The following CNTN5 variants were observed in gnomAD, a reference collection of about 807,000 sequenced individuals.
CNTN5 encodes the protein contactin-5.
CNTN5 carries 77 observed loss-of-function variants against 129.1 expected under a neutral mutation model. The ratio of observed to expected loss-of-function variants is 0.60; its 90% confidence interval spans 0.50 to 0.72. The LOEUF (loss-of-function observed/expected upper bound fraction) is 0.72. CNTN5 is among the 30% of genes least tolerant of loss of function. The probability of loss-of-function intolerance (pLI) is 0.00; values close to 1 mark genes in which losing one functional copy is unlikely to be tolerated. For missense variants in CNTN5, 1,478 were observed against 1,328.8 expected (o/e 1.11, Z -1.75); for synonymous variants, 509 against 465.6 (o/e 1.09, Z -1.20).
At chr11:99,033,484 A>G (rs1011228872) in intron 1 of CNTN5, among the ~76,000 whole-genome samples, 3 of 152,176 alleles carry the variant, frequency 2.0e-5, no homozygotes, top group Non-Finnish European at 4.4e-5. Flanking sequence ...GGTCCTTCAC[A>G]TCCGTTGTAA....
chr11:99,885,306 A>G (rs1355194499), intron 6 of CNTN5, among the ~76,000 whole-genome samples: 2 of 152,084 alleles, frequency 1.3e-5, no homozygotes, highest in Non-Finnish European at 2.9e-5. Context: ...AAAAAGAAAG[A>G]AAGAAAAGAG....
At chr11:99,165,468 GTC>G (rs1860824651) in intron 1 of CNTN5, among the ~76,000 whole-genome samples, 1 of 152,004 alleles carries the variant, frequency 6.6e-6, no homozygotes, top group African/African-American at 2.4e-5. Flanking sequence ...TACACTAGCC[GTC>G]TGTAAATACA....
At chr11:100,096,314 G>GT (rs996257109) in intron 13 of CNTN5, among the ~76,000 whole-genome samples, 23 of 152,074 alleles carry the variant, frequency 1.5e-4, no homozygotes, top group African/African-American at 5.3e-4. Context: ...TATTTCATTG[G>GT]TTTTGCGAGA....
intron 2 of CNTN5, among the ~76,000 whole-genome samples, chr11:99,388,010 C>T (rs868598050): frequency 6.6e-6 from 1 of 152,066 alleles, no homozygotes; most frequent in African/African-American, 2.4e-5. Context: ...GAATTGAGAA[C>T]CCTCTCTCTA....
At chr11:99,100,030 A>G (rs1378630760) in intron 1 of CNTN5, among the ~76,000 whole-genome samples, 1 of 152,166 alleles carries the variant, frequency 6.6e-6, no homozygotes, top group Non-Finnish European at 1.5e-5. Flanking sequence ...AATTTAAAAC[A>G]TACTTTTTAT....
chr11:99,347,338 A>G (rs1160632850), intron 2 of CNTN5, among the ~76,000 whole-genome samples: 1 of 152,208 alleles, frequency 6.6e-6, no homozygotes, highest in Non-Finnish European at 1.5e-5. Context: ...AGGGCGTGGG[A>G]AGTGTTATAA....
At chr11:99,487,775 T>A (rs2135338102) in intron 2 of CNTN5, among the ~76,000 whole-genome samples, 1 of 152,334 alleles carries the variant, frequency 6.6e-6, no homozygotes, top group African/African-American at 2.4e-5. Flanking sequence ...CTATTGCTTC[T>A]CCAAACACCA....
intron 3 of CNTN5, among the ~76,000 whole-genome samples, chr11:99,565,982 T>G (rs1790268): frequency 0.28 from 42,836 of 152,076 alleles, 6,369 homozygotes; most frequent in Middle Eastern, 0.33. Context: ...TAAGAGTAGC[T>G]TTATGAAGGC....
chr11:99,957,048 A>G (rs755508153), intron 8 of CNTN5, 39 bp downstream of exon 8: 2 of 1,554,536 alleles, frequency 1.3e-6, no homozygotes, highest in Non-Finnish European at 1.8e-6. Flanking sequence ...AGCCAACTCT[A>G]ATTTGGAAAA....
intron 2 of CNTN5, among the ~76,000 whole-genome samples, chr11:99,352,102 G>A (rs1938337816): frequency 6.6e-6 from 1 of 152,168 alleles, no homozygotes. Flanking sequence ...AAACTAGAAA[G>A]TTTCGAATTC....
intron 3 of CNTN5, among the ~76,000 whole-genome samples, chr11:99,773,647 T>C (rs115763757): frequency 9.2e-4 from 140 of 152,160 alleles, no homozygotes; most frequent in African/African-American, 3.2e-3. Flanking sequence ...ATGTAAAAAT[T>C]AGCAATAATT....
chr11:99,420,708 A>G (rs1021947226), intron 2 of CNTN5, among the ~76,000 whole-genome samples: 2 of 152,218 alleles, frequency 1.3e-5, no homozygotes, highest in Non-Finnish European at 2.9e-5. Flanking sequence ...AGTCAATCAA[A>G]GGCAGCTGAA....
At chr11:100,038,537 CT>C (rs758013688) in intron 9 of CNTN5, among the ~76,000 whole-genome samples, 2 of 152,134 alleles carry the variant, frequency 1.3e-5, no homozygotes, top group Admixed American at 6.6e-5. Context: ...AACTTTCTGT[CT>C]TGTTGATCTG....
rs565363757 is a variant in CNTN5, at chr11:99,277,054, G to A, written c.-209-48292G>A. Among the ~76,000 whole-genome samples the A allele has an allele frequency of 2.6e-5, 4 of 151,612 alleles. No homozygotes were observed. In the East Asian group the frequency reaches 7.8e-4, roughly 30 times the overall value. ...TAAACCGTTATTACTAAAGTAAGAA[G>A]GGCCTCATTTTCTAAAGCAACATAC... On this transcript the variant is annotated intron_variant, in intron 1 of 24. Coordinates refer to ENST00000524871, the MANE Select transcript of CNTN5 (RefSeq NM_014361.4).
intron 1 of CNTN5, among the ~76,000 whole-genome samples, chr11:99,312,107 G>C (rs1033594196): frequency 6.6e-6 from 1 of 152,092 alleles, no homozygotes; most frequent in Non-Finnish European, 1.5e-5. Context: ...CAGAAATGTA[G>C]TACAGAAAAT....
intron 9 of CNTN5, among the ~76,000 whole-genome samples, chr11:100,009,661 G>T (rs1940408039): frequency 6.6e-6 from 1 of 152,124 alleles, no homozygotes; most frequent in Admixed American, 6.6e-5. Flanking sequence ...AGGGAAACTG[G>T]GTTATCAGGA....
At chr11:100,120,784 G>A (rs1292471221) in intron 13 of CNTN5, among the ~76,000 whole-genome samples, 3 of 151,040 alleles carry the variant, frequency 2.0e-5, no homozygotes, top group African/African-American at 7.3e-5. Context: ...GAGAAAGAAA[G>A]GTATAAATAT....
rs895082095 is a variant in CNTN5, at chr11:99,385,145, G to T, written c.-71+59661G>T. On this transcript the variant is annotated intron_variant, in intron 2 of 24. Coordinates refer to ENST00000524871, the MANE Select transcript of CNTN5 (RefSeq NM_014361.4). The stretch of plus-strand genomic sequence containing the variant: ...TCTTTCCTCTAGTAGTTATCATTTT[G>T]TAGTGAAAACCTTTTGCATTCACTC... Among the ~76,000 whole-genome samples, 8 of 151,700 alleles carry T rather than the reference G, an allele frequency of 5.3e-5. No homozygotes were observed. In the South Asian group the frequency reaches 1.5e-3, roughly 28 times the overall value.
intron 2 of CNTN5, among the ~76,000 whole-genome samples, chr11:99,343,768 C>T (rs1866628854): frequency 6.6e-6 from 1 of 151,988 alleles, no homozygotes; most frequent in Non-Finnish European, 1.5e-5. Flanking sequence ...CACATTTCGA[C>T]CTACAAAAAC....
Sources: allele counts gnomAD v4.1 joint callset (sites outside exome capture counted in the v4.1 genomes callset), GRCh38; gene constraint gnomAD v4.1.1; transcripts MANE v1.5; gene names NCBI Gene and HGNC (gene_info 2026-07-23, HGNC 2026-07-21).